PRKG1: variants seen among roughly 807,000 people sequenced by gnomAD.
PRKG1 encodes the protein cGMP-dependent protein kinase 1.
Under a neutral mutation model 88.1 loss-of-function variants are expected in PRKG1, and 35 were observed. The observed-to-expected ratio is 0.40, with a 90% CI of 0.30 to 0.53. The LOEUF (loss-of-function observed/expected upper bound fraction) is 0.53, where lower values mean the gene tolerates loss of function less well. PRKG1 is among the 20% of genes least tolerant of loss of function. The pLI is 0.59. For missense variants in PRKG1, 540 were observed against 839.8 expected (o/e 0.64, Z 4.41); for synonymous variants, 303 against 292.5 (o/e 1.04, Z -0.37).
At chr10:51,342,142 C>T (rs1246744159) in intron 2 of PRKG1, among the ~76,000 whole-genome samples, 1 of 152,122 alleles carries the variant, frequency 6.6e-6, no homozygotes, top group Non-Finnish European at 1.5e-5. Context: ...AATCTTAAAT[C>T]CAGGCATAAT....
At chr10:51,317,125 G>A (rs1841342871) in intron 2 of PRKG1, among the ~76,000 whole-genome samples, 2 of 152,034 alleles carry the variant, frequency 1.3e-5, no homozygotes, top group South Asian at 4.1e-4. Flanking sequence ...GGTATCACAG[G>A]GACTGAAATT....
rs1285040065 is a variant in PRKG1, at chr10:51,490,119, G to A, written c.592+22283G>A. Among the ~76,000 whole-genome samples the A allele has an allele frequency of 2.6e-5, 4 of 152,056 alleles. No individual in the cohort carries two copies. The South Asian group carries it at 8.3e-4, about 32-fold the overall frequency. On this transcript the variant is annotated intron_variant, in intron 3 of 17. Coordinates refer to ENST00000373980, the MANE Select transcript of PRKG1 (RefSeq NM_006258.4). The stretch of plus-strand genomic sequence containing the variant: ...GGTATCCAGACACAATTATATCAGA[G>A]TATTTCCTCTGGTCTTGAATCAGAA...
chr10:52,185,870 G>A (rs1391645099), intron 9 of PRKG1, among the ~76,000 whole-genome samples: 1 of 152,194 alleles, frequency 6.6e-6, no homozygotes, highest in Non-Finnish European at 1.5e-5. Flanking sequence ...AGCCAGAGCA[G>A]CCAGGATGCA....
At chr10:51,531,968 G>A (rs968880167) in intron 3 of PRKG1, among the ~76,000 whole-genome samples, 2 of 152,032 alleles carry the variant, frequency 1.3e-5, no homozygotes, top group Non-Finnish European at 2.9e-5. Flanking sequence ...AAAAATGACA[G>A]TCAGGACACT....
At chr10:51,360,522 CA>C (rs1842456718) in intron 2 of PRKG1, among the ~76,000 whole-genome samples, 1 of 151,854 alleles carries the variant, frequency 6.6e-6, no homozygotes, top group Non-Finnish European at 1.5e-5. Flanking sequence ...TTCTGATTTT[CA>C]GTTTACTTAC....
At chr10:51,014,321 T>C (rs1462600763) in intron 1 of PRKG1, among the ~76,000 whole-genome samples, 15 of 148,006 alleles carry the variant, frequency 1.0e-4, no homozygotes, top group African/African-American at 2.9e-4. Context: ...GCATTCTCTT[T>C]TTTTTTTTTT....
intron 2 of PRKG1, among the ~76,000 whole-genome samples, chr10:51,401,423 T>C (rs565295655): frequency 9.2e-5 from 14 of 152,242 alleles, no homozygotes; most frequent in African/African-American, 3.4e-4. Flanking sequence ...ATCCTTGTAA[T>C]ATCCTAGGTG....
chr10:51,253,453 C>G (rs1377852679), intron 2 of PRKG1, among the ~76,000 whole-genome samples: 2 of 151,822 alleles, frequency 1.3e-5, no homozygotes, highest in East Asian at 3.9e-4. Flanking sequence ...TCTTTCCCCC[C>G]AATAGACATC....
At position 51,625,723 on chromosome 10, in the gene PRKG1, T is replaced by TAA. The variant is rs397846099; in HGVS notation, c.592+157899_592+157900dup. 2.6e-3 allele frequency among the ~76,000 whole-genome samples: 380 copies of TAA among 144,854 alleles called. 1 individual carries two copies. Among genetic ancestry groups the TAA allele is most frequent in the African/African-American group, 8.7e-3 (345 of 39,736 alleles). On this transcript the variant is annotated intron_variant, in intron 3 of 17. Transcript: ENST00000373980. ...ATGCTTCAATAAAACTGTTAAGATT[T>TAA]AAAAAAAAAAAAAGAATATATGAAT...
intron 1 of PRKG1, among the ~76,000 whole-genome samples, chr10:51,077,638 A>T (rs1372431766): frequency 6.6e-6 from 1 of 152,164 alleles, no homozygotes; most frequent in Non-Finnish European, 1.5e-5. Flanking sequence ...TTTTCCTTTA[A>T]TGTGGGAATT....
At chr10:51,259,166 G>C (rs187226692) in intron 2 of PRKG1, among the ~76,000 whole-genome samples, 2 of 152,156 alleles carry the variant, frequency 1.3e-5, no homozygotes, top group East Asian at 3.9e-4. Context: ...ATATATGTGT[G>C]TACCTATATA....
chr10:52,048,709 GTTTT>G (rs1422641037), intron 5 of PRKG1, among the ~76,000 whole-genome samples: 1 of 152,084 alleles, frequency 6.6e-6, no homozygotes, highest in Non-Finnish European at 1.5e-5. Context: ...GAGAAGACAG[GTTTT>G]TTAACTCACA....
intron 2 of PRKG1, among the ~76,000 whole-genome samples, chr10:51,379,536 C>A (rs1842879147): frequency 6.6e-6 from 1 of 152,200 alleles, no homozygotes; most frequent in African/African-American, 2.4e-5. Flanking sequence ...AAATTCCCTT[C>A]CCTCTTAATA....
intron 3 of PRKG1, among the ~76,000 whole-genome samples, chr10:51,671,590 C>CT (rs757314460): frequency 0.075 from 10,583 of 141,688 alleles, 467 homozygotes; most frequent in African/African-American, 0.1. Flanking sequence ...CTCTCTCTCT[C>CT]TTTTTTTTTT....
intron 2 of PRKG1, among the ~76,000 whole-genome samples, chr10:51,422,051 C>A (rs1025149179): frequency 6.6e-6 from 1 of 152,314 alleles, no homozygotes; most frequent in South Asian, 2.1e-4. Flanking sequence ...TACTCTGTGC[C>A]AGGCACCCTT....
At chr10:51,261,174 C>T (rs1044884761) in intron 2 of PRKG1, among the ~76,000 whole-genome samples, 2 of 152,032 alleles carry the variant, frequency 1.3e-5, no homozygotes, top group Non-Finnish European at 2.9e-5. Flanking sequence ...ATATTTCTTC[C>T]CGATCCAAAG....
At chr10:52,081,079 C>T (rs1056294609) in intron 7 of PRKG1, among the ~76,000 whole-genome samples, 2 of 152,198 alleles carry the variant, frequency 1.3e-5, no homozygotes, top group Admixed American at 6.5e-5. Context: ...TTCAACACAC[C>T]ACTTGCAAAC....
In PRKG1 at chr10:50,991,771, G is replaced by C. The variant is rs1589093514; in HGVS notation, c.266+127G>C. The C allele has an allele frequency of 1.5e-6, 1 of 671,162 alleles. No homozygotes were observed. Among genetic ancestry groups the C allele is most frequent in the African/African-American group, 2.0e-5 (1 of 50,804 alleles). The allele number at this position is 671,162 out of a possible 1,614,324, so 41.6% of individuals were successfully genotyped here. ...CCTGCTCGCTGCGGCGCGCGGAGTG[G>C]GGGTGGCCCCGCGGCCCGGGAATGG... On this transcript the variant is annotated intron_variant, in intron 1 of 17. Transcript: ENST00000401604. The surrounding 1 kb of genome is among the most constrained non-coding windows in gnomAD (Gnocchi z 4.5).
chr10:51,622,592 G>A (rs182924700), intron 3 of PRKG1, among the ~76,000 whole-genome samples: 10 of 152,290 alleles, frequency 6.6e-5, no homozygotes, highest in African/African-American at 2.4e-4. Flanking sequence ...ATGGGAATGA[G>A]ATACTTTGTT....
Sources: allele counts gnomAD v4.1 joint callset (sites outside exome capture counted in the v4.1 genomes callset), GRCh38; gene constraint gnomAD v4.1.1; non-coding constraint Gnocchi (gnomAD v3.1); transcripts MANE v1.5; gene names NCBI Gene and HGNC (gene_info 2026-07-23, HGNC 2026-07-21).